Variants in COL21A1 observed in about 807,000 individuals in gnomAD.
COL21A1 encodes collagen alpha-1(XXI) chain.
A neutral mutation model predicts 137.9 loss-of-function variants in COL21A1; 149 were observed. The observed-to-expected ratio is 1.08, with a 90% CI of 0.95 to 1.24. COL21A1 has a LOEUF of 1.24. COL21A1 is among the 50% of genes most tolerant of loss of function. The probability of loss-of-function intolerance (pLI) is 0.00; values close to 1 mark genes in which losing one functional copy is unlikely to be tolerated. For synonymous variants in COL21A1, 456 were observed against 391.5 expected (o/e 1.16, Z -1.95); for missense variants, 1,167 against 1,158.4 (o/e 1.01, Z -0.11).
At chr6:56,185,536 C>T (rs1034495989) in intron 1 of COL21A1, among the ~76,000 whole-genome samples, 5 of 145,780 alleles carry the variant, frequency 3.4e-5, no homozygotes, top group Non-Finnish European at 3.0e-5. Context: ...CCCGGGTTCA[C>T]GCCATTCTCC....
intron 1 of COL21A1, among the ~76,000 whole-genome samples, chr6:56,235,510 C>A (rs1328340638): frequency 6.6e-6 from 1 of 151,866 alleles, no homozygotes; most frequent in Non-Finnish European, 1.5e-5. Flanking sequence ...AAAAATAGAT[C>A]ATATAAAACT....
At chr6:56,297,417 A>C (rs1011478790) in intron 1 of COL21A1, among the ~76,000 whole-genome samples, 3 of 152,136 alleles carry the variant, frequency 2.0e-5, no homozygotes, top group South Asian at 4.1e-4. Flanking sequence ...TTAAAATTTA[A>C]TCAGTAGTCC....
In COL21A1 at chr6:56,180,071, G is replaced by T; in HGVS notation, c.147C>A (p.Gly49=). The stretch of plus-strand genomic sequence containing the variant: ...TTTTCACTATTTCAAAGTTTTCTGG[G>T]CCAACACTATAAGAGCCATCTAAGA... ...VFILDGSYSV[G]PENFEIVKKW... Residue 49 remains glycine, a synonymous_variant, in exon 3 of 30, where the codon GGC becomes GGA. Transcript: ENST00000244728. 1 of 1,613,614 alleles carries T rather than the reference G, an allele frequency of 6.2e-7. No individual in the cohort carries two copies. Among genetic ancestry groups the T allele is most frequent in the Non-Finnish European group, 8.5e-7 (1 of 1,179,742 alleles).
At position 56,222,354 on chromosome 6, in the gene COL21A1, T is replaced by A. The variant is rs532695802; in HGVS notation, c.-39+25033A>T. 1.9e-3 allele frequency among the ~76,000 whole-genome samples: 285 copies of A among 152,276 alleles called. 1 individual carries two copies. The highest frequency in any genetic ancestry group is 2.7e-3 in the Non-Finnish European group (186 of 67,996). On this transcript the variant is annotated intron_variant, in intron 1 of 29. Coordinates refer to ENST00000244728, the MANE Select transcript of COL21A1 (RefSeq NM_030820.4). ...TAATTGTAAAATAGGAGGTTAATAA[T>A]GTTGTCTATGAGGATTTTTATTATA...
At chr6:56,083,382 C>T (rs1359563127) in intron 17 of COL21A1, among the ~76,000 whole-genome samples, 3 of 151,952 alleles carry the variant, frequency 2.0e-5, no homozygotes, top group Admixed American at 1.3e-4. Context: ...GGGTCAGGTC[C>T]TTCTTCAGTC....
intron 12 of COL21A1, among the ~76,000 whole-genome samples, 160 bp downstream of exon 12, chr6:56,141,625 C>A (rs1404609624): frequency 1.3e-5 from 2 of 152,278 alleles, no homozygotes; most frequent in Admixed American, 6.5e-5. Flanking sequence ...AGTGATAAAG[C>A]CTTCTATAAG....
In COL21A1 at chr6:56,150,290, G is replaced by A. The variant is rs373415551; in HGVS notation, c.1434+6597C>T. 5.3e-5 allele frequency among the ~76,000 whole-genome samples: 8 copies of A among 152,098 alleles called. No individual in the cohort carries two copies. In the East Asian group the frequency reaches 7.7e-4, roughly 15 times the overall value. ...ATCCCACTCTTTGGGAGGTCGAGGC[G>A]GGCGGATCACGAGGCCAGGAAATCG... On this transcript the variant is annotated intron_variant, in intron 10 of 29. Transcript: ENST00000244728.
intron 1 of COL21A1, among the ~76,000 whole-genome samples, chr6:56,215,659 G>T (rs1328717917): frequency 1.3e-5 from 2 of 151,990 alleles, no homozygotes; most frequent in Admixed American, 1.3e-4. Context: ...ACCTTGAAGG[G>T]TTGTTAAGTA....
intron 1 of COL21A1, among the ~76,000 whole-genome samples, chr6:56,237,268 G>C (rs1029333581): frequency 6.6e-6 from 1 of 152,064 alleles, no homozygotes. Flanking sequence ...ATACTGTCCT[G>C]ATTACCTGAG....
intron 9 of COL21A1, among the ~76,000 whole-genome samples, chr6:56,159,634 C>CTTTTTT (rs11449474): frequency 4.9e-5 from 6 of 123,558 alleles, no homozygotes; most frequent in East Asian, 2.3e-4. Context: ...CCTGGCCTTA[C>CTTTTTT]TTTTTTTTTT....
rs1772815903 is a variant in COL21A1, at chr6:56,124,225, T to A, written c.1704+14A>T. 3.1e-6 allele frequency: 5 copies of A among 1,589,150 alleles called. No individual in the cohort carries two copies. The highest frequency in any genetic ancestry group is 4.3e-6 in the Non-Finnish European group (5 of 1,166,856). ...TAAAGCAAAATACTAAGAGCTTTTT[T>A]CTATCAAACTCACAGCAGGTCCAGG... is the stretch of plus-strand genomic sequence containing the variant. On this transcript the variant is annotated intron_variant, in intron 15 of 29. Coordinates refer to ENST00000244728, the MANE Select transcript of COL21A1 (RefSeq NM_030820.4).
chr6:56,328,370 T>TAA (rs1314170377), intron 1 of COL21A1, among the ~76,000 whole-genome samples: 1 of 152,094 alleles, frequency 6.6e-6, no homozygotes, highest in Non-Finnish European at 1.5e-5. Context: ...AGCCAGAGTA[T>TAA]AATTGTCTCT....
chr6:56,158,338 T>C (rs1369427253), intron 9 of COL21A1, among the ~76,000 whole-genome samples: 1 of 140,438 alleles, frequency 7.1e-6, no homozygotes, highest in East Asian at 2.3e-4. Flanking sequence ...AGTGGTGTGA[T>C]CACAGCTCAC....
chr6:56,110,936 G>A (rs923273320), intron 16 of COL21A1, among the ~76,000 whole-genome samples: 1 of 152,118 alleles, frequency 6.6e-6, no homozygotes, highest in African/African-American at 2.4e-5. Context: ...TTCCCTCTAA[G>A]ATTTGGAGCT....
intron 17 of COL21A1, among the ~76,000 whole-genome samples, chr6:56,098,540 A>AATATATAAAT (rs1562193033): frequency 4.3e-4 from 4 of 9,350 alleles, no homozygotes; most frequent in African/African-American, 2.7e-3. Context: ...TATATATATA[A>AATATATAAAT]ATATATAAAT....
At chr6:56,262,597 T>A (rs1422490632) in intron 1 of COL21A1, among the ~76,000 whole-genome samples, 1 of 152,148 alleles carries the variant, frequency 6.6e-6, no homozygotes, top group East Asian at 1.9e-4. Context: ...TCTAAAATTG[T>A]ATTTTATTCA....
At chr6:56,078,857 C>T (rs1767479638) in intron 17 of COL21A1, among the ~76,000 whole-genome samples, 1 of 151,208 alleles carries the variant, frequency 6.6e-6, no homozygotes, top group African/African-American at 2.4e-5. Flanking sequence ...AAAGACAGGC[C>T]TTTATAAACG....
intron 21 of COL21A1, among the ~76,000 whole-genome samples, chr6:56,069,597 T>C (rs1399394389): frequency 6.0e-5 from 9 of 150,354 alleles, no homozygotes; most frequent in Admixed American, 6.0e-4. Flanking sequence ...TTGTTATGTA[T>C]TTTTTCTCTA....
chr6:56,205,086 A>T (rs1323837869), intron 1 of COL21A1, among the ~76,000 whole-genome samples: 2 of 152,196 alleles, frequency 1.3e-5, no homozygotes, highest in Non-Finnish European at 2.9e-5. Flanking sequence ...TCTCCTCCAA[A>T]GGATCACAAC....
Sources: gnomAD v4.1 joint callset for allele counts (sites outside exome capture counted in the v4.1 genomes callset) on GRCh38, gnomAD v4.1.1 for gene constraint, MANE v1.5 for transcripts, NCBI Gene and HGNC (gene_info 2026-07-23, HGNC 2026-07-21) for gene names.